Variants in ZNF407 observed in about 807,000 individuals in gnomAD.
ZNF407 encodes zinc finger protein 407.
A neutral mutation model predicts 131.2 loss-of-function variants in ZNF407; 17 were observed. That is an observed-to-expected ratio of 0.13 (90% CI 0.09 to 0.19). The LOEUF (loss-of-function observed/expected upper bound fraction) is 0.19, where lower values mean the gene tolerates loss of function less well. ZNF407 is among the 10% of genes least tolerant of loss of function. The pLI is 1.00. For synonymous variants in ZNF407, 1,156 were observed against 1,062.0 expected (o/e 1.09, Z -1.72); for missense variants, 2,681 against 2,830.6 (o/e 0.95, Z 1.20).
At chr18:74,838,758 A>G (rs1970592003) in intron 4 of ZNF407, among the ~76,000 whole-genome samples, 1 of 152,210 alleles carries the variant, frequency 6.6e-6, no homozygotes, top group African/African-American at 2.4e-5. Flanking sequence ...AGTGAACCAA[A>G]TGAGTATATG....
intron 8 of ZNF407, among the ~76,000 whole-genome samples, chr18:75,009,139 C>CA (rs369262935): frequency 2.1e-4 from 32 of 152,182 alleles, no homozygotes; most frequent in African/African-American, 7.7e-4. Flanking sequence ...ACTTCATTTA[C>CA]AAAAATACTA....
intron 6 of ZNF407, among the ~76,000 whole-genome samples, chr18:74,881,811 C>T (rs557318949): frequency 6.6e-6 from 1 of 152,262 alleles, no homozygotes; most frequent in African/African-American, 2.4e-5. Context: ...AGTCCTTTTT[C>T]ACACTGCTGA....
chr18:74,738,603 G>A (rs992956614), intron 3 of ZNF407, among the ~76,000 whole-genome samples: 3 of 151,738 alleles, frequency 2.0e-5, no homozygotes, highest in Non-Finnish European at 2.9e-5. Flanking sequence ...GCTGGGTGTG[G>A]TGGTGTGCTC....
chr18:74,842,722 T>G (rs1196405677), intron 4 of ZNF407, among the ~76,000 whole-genome samples: 4 of 152,152 alleles, frequency 2.6e-5, no homozygotes, highest in Non-Finnish European at 4.4e-5. Context: ...GCTATGCTAT[T>G]TATTTATTTA....
intron 3 of ZNF407, among the ~76,000 whole-genome samples, chr18:74,663,645 G>C (rs1985809880): frequency 6.6e-6 from 1 of 152,164 alleles, no homozygotes; most frequent in African/African-American, 2.4e-5. Flanking sequence ...GCATTTTGCT[G>C]TGTTCAGATA....
chr18:74,841,937 A>C (rs1408305624), intron 4 of ZNF407, among the ~76,000 whole-genome samples: 2 of 152,154 alleles, frequency 1.3e-5, no homozygotes, highest in African/African-American at 4.8e-5. Flanking sequence ...TAAAATTGTG[A>C]ACTTTCTTTT....
chr18:74,840,241 C>T (rs1970613754), intron 4 of ZNF407, among the ~76,000 whole-genome samples: 1 of 152,066 alleles, frequency 6.6e-6, no homozygotes, highest in Non-Finnish European at 1.5e-5. Flanking sequence ...ACCATTCATG[C>T]TGGAAGATGC....
At chr18:74,941,646 T>C (rs1972100656) in intron 8 of ZNF407, among the ~76,000 whole-genome samples, 1 of 152,242 alleles carries the variant, frequency 6.6e-6, no homozygotes, top group African/African-American at 2.4e-5. Flanking sequence ...AGCATGTATG[T>C]TATTCCTTTC....
In ZNF407 at chr18:75,063,645, T is replaced by C; in HGVS notation, c.5924T>C (p.Leu1975Pro). 1 of 1,599,176 alleles carries C rather than the reference T, an allele frequency of 6.3e-7. No homozygotes were observed. Residue 1975 changes from leucine to proline, a missense_variant, in exon 9 of 9, where the codon CTC (leucine) becomes CCC (proline). Physicochemically the swap from Leu to Pro is moderately conservative, Grantham distance 98 (BLOSUM62 -3). Transcript: ENST00000299687. The surrounding 1 kb of genome is among the most constrained non-coding windows in gnomAD (Gnocchi z 6.6). ...GTGACCAAGCAGGAGATTTTAAACC[T>C]CTCGGAGGCTGGAGTCGCTCCCCCC... ...QQVTKQEILN[L>P]SEAGVAPPEA...
At chr18:74,702,560 T>C (rs1347376645) in intron 3 of ZNF407, among the ~76,000 whole-genome samples, 1 of 152,162 alleles carries the variant, frequency 6.6e-6, no homozygotes, top group Non-Finnish European at 1.5e-5. Flanking sequence ...TGGATATTTT[T>C]GAAAATATTA....
At chr18:74,759,489 C>G (rs1476017150) in intron 3 of ZNF407, among the ~76,000 whole-genome samples, 1 of 151,866 alleles carries the variant, frequency 6.6e-6, no homozygotes, top group African/African-American at 2.4e-5. Context: ...TTATTAATTT[C>G]TTATTGTTTC....
Position 74,634,689 on chromosome 18 carries a change from G to A in ZNF407, c.3670G>A (p.Gly1224Ser), listed in dbSNP as rs1984348931. The A allele has an allele frequency of 6.2e-7, 1 of 1,614,052 alleles. No individual in the cohort carries two copies. The highest frequency in any genetic ancestry group is 8.5e-7 in the Non-Finnish European group (1 of 1,179,908). The part of the protein sequence containing the change: ...KKNHEISNDA[G>S]ELRVHCEGEG... ...AAACCATGAGATATCGAATGATGCA[G>A]GTGAGCTGCGTGTCCATTGTGAGGG... Residue 1224 changes from glycine (G) to serine (S), a missense_variant, in exon 2 of 9, where the codon GGT (glycine) becomes AGT (serine). Gly to Ser is a moderately conservative substitution (Grantham distance 56, BLOSUM62 0). Around this residue, in one of 6 missense-constraint regions of ZNF407, gnomAD observed 1,789 missense variants for 1,748.7 expected, o/e 1.02. Transcript: ENST00000299687.
At chr18:74,841,359 C>G (rs997890222) in intron 4 of ZNF407, among the ~76,000 whole-genome samples, 2 of 152,250 alleles carry the variant, frequency 1.3e-5, no homozygotes, top group South Asian at 2.1e-4. Flanking sequence ...ACCACCAGGT[C>G]ACCCTCACGG....
intron 3 of ZNF407, among the ~76,000 whole-genome samples, chr18:74,678,258 A>T (rs1427566506): frequency 6.6e-6 from 1 of 152,184 alleles, no homozygotes; most frequent in Non-Finnish European, 1.5e-5. Context: ...GGATCATCTC[A>T]ACTGTATTGC....
chr18:74,919,189 A>C (rs952920611), intron 7 of ZNF407, among the ~76,000 whole-genome samples: 1 of 152,206 alleles, frequency 6.6e-6, no homozygotes, highest in African/African-American at 2.4e-5. Flanking sequence ...GTGGATAGAT[A>C]CCGTATTCAC....
rs532858731 is a variant in ZNF407 at position 75,041,619 on chromosome 18, C to T, written c.5429-21531C>T. Among the ~76,000 whole-genome samples, 45 of 125,232 alleles carry T rather than the reference C, an allele frequency of 3.6e-4. No individual in the cohort carries two copies. In the South Asian group the frequency reaches 9.5e-3, roughly 26 times the overall value. The allele number at this position is 125,232 out of a possible 152,430, so 82.2% of individuals were successfully genotyped here. A position where few individuals can be genotyped will look rare whatever the true frequency, so the allele number is the denominator to read the frequency against. ...ACTGTAGCGCATGTGTGTGCATGCA[C>T]GTGCACACACACACACACACACACA... On this transcript the variant is annotated intron_variant, in intron 8 of 8. Transcript: ENST00000299687.
At chr18:74,695,673 A>G (rs2144809583) in intron 3 of ZNF407, among the ~76,000 whole-genome samples, 1 of 152,316 alleles carries the variant, frequency 6.6e-6, no homozygotes, top group Non-Finnish European at 1.5e-5. Context: ...GTAGTTATCT[A>G]GTTACATATA....
Position 74,631,820 on chromosome 18 carries a change from A to G in ZNF407, c.801A>G (p.Thr267=). Reference sequence around the variant, plus strand: ...TGAATGCACATTATCTTGGCAAAACACATCTCCGTCGTCAGAATCTGGCTG... The same window carrying G: ...TGAATGCACATTATCTTGGCAAAACGCATCTCCGTCGTCAGAATCTGGCTG... The part of the protein sequence containing the change: ...NLLNAHYLGK[T]HLRRQNLAAR... The change falls in exon 2 of 9, where the codon ACA becomes ACG. Residue 267 remains threonine, a synonymous_variant. Coordinates refer to ENST00000299687, the MANE Select transcript of ZNF407 (RefSeq NM_017757.3). The G allele has an allele frequency of 5.0e-6, 8 of 1,614,054 alleles. No homozygotes were observed. The highest frequency in any genetic ancestry group is 6.8e-6 in the Non-Finnish European group (8 of 1,179,896).
At chr18:74,774,477 A>G (rs1247063727) in intron 3 of ZNF407, among the ~76,000 whole-genome samples, 1 of 152,194 alleles carries the variant, frequency 6.6e-6, no homozygotes, top group Non-Finnish European at 1.5e-5. Context: ...ACAAATAGTC[A>G]AGTTTAGCAT....
Sources: gnomAD v4.1 joint callset for allele counts (sites outside exome capture counted in the v4.1 genomes callset) on GRCh38, gnomAD v4.1.1 for gene constraint, gnomAD v4.1.1 regional missense constraint, Gnocchi (gnomAD v3.1) non-coding constraint, MANE v1.5 for transcripts, NCBI Gene and HGNC (gene_info 2026-07-23, HGNC 2026-07-21) for gene names.